The following C10orf143 variants were observed in gnomAD, a reference collection of about 807,000 sequenced individuals.
C10orf143 encodes the protein chromosome 10 open reading frame 143.
chr10:130,038,639 G>A (rs1483486059), intron 3 of C10orf143, among the ~76,000 whole-genome samples: 4 of 152,138 alleles, frequency 2.6e-5, no homozygotes, highest in African/African-American at 9.7e-5. Context: ...CGGAGGTGTG[G>A]GCATCAAACA....
At position 130,108,167 on chromosome 10, in the gene C10orf143, G is replaced by A. The variant is rs992755910; in HGVS notation, c.69+2537C>T. 4 of 1,577,900 alleles carry A rather than the reference G, an allele frequency of 2.5e-6. No homozygotes were observed. In the Admixed American group the frequency reaches 5.0e-5, roughly 20 times the overall value. ...TCCACTGTTTCCAGTGGATACAAGG[G>A]GCCCGTTCATGAGAAGAGCACCTCC... On this transcript the variant is annotated intron_variant, in intron 1 of 3. Transcript: ENST00000637128.
intron 1 of C10orf143, chr10:130,106,946 GCTTA>G: frequency 1.0e-6 from 1 of 999,212 alleles, no homozygotes; most frequent in Non-Finnish European, 1.6e-6. Flanking sequence ...AGAAGATGGT[GCTTA>G]CTTAGATGAT....
In C10orf143 at chr10:130,064,108, G is replaced by T; in HGVS notation, c.*246C>A. 1 of 365,074 alleles carries T rather than the reference G, an allele frequency of 2.7e-6. No homozygotes were observed. The allele number at this position is 365,074 out of a possible 1,614,324, so 22.6% of individuals were successfully genotyped here. ...TCTCAACCAGGAACATTCGAAAGGA[G>T]GCTGTAGTACGTAGTAAGGATTTGG... On this transcript the variant is annotated 3_prime_UTR_variant, in exon 4 of 4. Transcript: ENST00000637128.
rs1860792247 is a variant in C10orf143 at position 130,056,113 on chromosome 10, G to A, written c.298-20143C>T. ...TTTTAATAATGGTCACTGAATAAAT[G>A]AGTAAATGCAATTTAAAGTAAGTAA... On this transcript the variant is annotated intron_variant and NMD_transcript_variant, in intron 3 of 5. Coordinates refer to the C10orf143 transcript ENST00000643056. The surrounding 1 kb of genome is among the most constrained non-coding windows in gnomAD (Gnocchi z 4.6). Among the ~76,000 whole-genome samples the A allele has an allele frequency of 6.6e-6, 1 of 152,086 alleles. No homozygotes were observed. The highest frequency in any genetic ancestry group is 1.5e-5 in the Non-Finnish European group (1 of 68,028).
At chr10:130,107,424 A>G (rs777521198) in intron 1 of C10orf143, 2 of 1,283,812 alleles carry the variant, frequency 1.6e-6, no homozygotes, top group Non-Finnish European at 2.3e-6. Flanking sequence ...AAGGCACATC[A>G]TAACTGGTTG....
chr10:130,091,338 T>G (rs1250507364), intron 1 of C10orf143, among the ~76,000 whole-genome samples: 1 of 152,078 alleles, frequency 6.6e-6, no homozygotes, highest in African/African-American at 2.4e-5. Flanking sequence ...GCATGACTCT[T>G]AGAAGGAAAA....
At chr10:130,062,238 A>T (rs1860865818), downstream of C10orf143, among the ~76,000 whole-genome samples, 1 of 152,190 alleles carries the variant, frequency 6.6e-6, no homozygotes, top group South Asian at 2.1e-4. Context: ...GCACCTGGAT[A>T]AAGCTGCTGG....
chr10:130,040,061 C>G (rs535776407), intron 3 of C10orf143, among the ~76,000 whole-genome samples: 2 of 152,174 alleles, frequency 1.3e-5, no homozygotes, highest in Non-Finnish European at 2.9e-5. Context: ...GCCATTCTCC[C>G]TTTCCATGGG....
At chr10:130,057,434 T>A (rs558847787) in intron 3 of C10orf143, among the ~76,000 whole-genome samples, 5 of 152,214 alleles carry the variant, frequency 3.3e-5, no homozygotes, top group African/African-American at 4.8e-5. Context: ...TCTACCAAGA[T>A]GCCGAAGACT....
chr10:130,080,500 G>C (rs531629550), intron 1 of C10orf143, among the ~76,000 whole-genome samples: 9 of 152,232 alleles, frequency 5.9e-5, no homozygotes, highest in Admixed American at 2.6e-4. Flanking sequence ...AAAGTCCCAA[G>C]ACTTTGTGTA....
chr10:130,065,643 T>G lies in C10orf143; in HGVS notation c.298-1260A>C, dbSNP rs1355352300. On this transcript the variant is annotated intron_variant, in intron 3 of 3. Coordinates refer to ENST00000637128, the MANE Select transcript of C10orf143 (RefSeq NM_001355042.2). This position sits in a 1 kb window ranked among gnomAD's most constrained non-coding sequence, Gnocchi z 4.2. ...TTCCCAGAATATTCCCAGAATCACA[T>G]GTGTAGCAGGTATCCCTTTACAAAA... 1 of 152,222 alleles carries G rather than the reference T, an allele frequency of 6.6e-6. No homozygotes were observed. Among genetic ancestry groups the G allele is most frequent in the African/African-American group, 2.4e-5 (1 of 41,462 alleles). The allele number at this position is 152,222 out of a possible 1,614,324, so 9.4% of individuals were successfully genotyped here.
At chr10:130,078,963 G>A (rs938685617) in intron 3 of C10orf143, among the ~76,000 whole-genome samples, 16 of 151,934 alleles carry the variant, frequency 1.1e-4, no homozygotes, top group Admixed American at 6.6e-4. Flanking sequence ...GAATTATAGA[G>A]GTTATCAAAG....
intron 1 of C10orf143, 96 bp from the exon 2 acceptor site, chr10:130,079,997 C>T: frequency 2.5e-6 from 1 of 397,862 alleles, no homozygotes; most frequent in Non-Finnish European, 4.4e-6. Context: ...AAATACAGAC[C>T]CCTGTGGAGC....
chr10:130,037,653 G>C (rs1422989775), intron 3 of C10orf143, among the ~76,000 whole-genome samples: 1 of 152,238 alleles, frequency 6.6e-6, no homozygotes, highest in Non-Finnish European at 1.5e-5. Context: ...AGGAGGCTGT[G>C]CACTCACAGG....
chr10:130,081,603 A>G (rs1440923947), intron 1 of C10orf143, among the ~76,000 whole-genome samples: 1 of 152,072 alleles, frequency 6.6e-6, no homozygotes, highest in South Asian at 2.1e-4. Context: ...GTAGAAATGT[A>G]GCCAATACTT....
intron 1 of C10orf143, among the ~76,000 whole-genome samples, chr10:130,085,434 C>A (rs1245406159): frequency 6.6e-6 from 1 of 152,086 alleles, no homozygotes; most frequent in Admixed American, 6.5e-5. Context: ...TGACTCTAAT[C>A]ATAAGAAAAT....
intron 1 of C10orf143, among the ~76,000 whole-genome samples, chr10:130,083,169 GA>G (rs990121274): frequency 1.1e-4 from 16 of 152,116 alleles, no homozygotes; most frequent in East Asian, 1.9e-4. Flanking sequence ...CCTCAAACAT[GA>G]AAAAAAGTGT....
downstream of C10orf143, among the ~76,000 whole-genome samples, chr10:130,059,397 C>A (rs1378031958): frequency 4.6e-5 from 7 of 152,150 alleles, no homozygotes; most frequent in East Asian, 1.4e-3. Context: ...GATTCAATGG[C>A]CTTAATATAT....
intron 3 of C10orf143, among the ~76,000 whole-genome samples, chr10:130,038,509 C>T (rs1468007810): frequency 1.3e-5 from 2 of 152,244 alleles, no homozygotes; most frequent in Non-Finnish European, 2.9e-5. Flanking sequence ...TAACACTTCC[C>T]TGCAGGCTTA....
Sources: allele counts gnomAD v4.1 joint callset (sites outside exome capture counted in the v4.1 genomes callset), GRCh38; gene constraint gnomAD v4.1.1; non-coding constraint Gnocchi (gnomAD v3.1); transcripts MANE v1.5; gene names NCBI Gene and HGNC (gene_info 2026-07-23, HGNC 2026-07-21).